Variants in PATJ observed in about 807,000 individuals in gnomAD.
PATJ encodes the protein inaD-like protein.
PATJ carries 190 observed loss-of-function variants against 224.9 expected under a neutral mutation model. That is an observed-to-expected ratio of 0.84 (90% confidence interval 0.75 to 0.95). The LOEUF (loss-of-function observed/expected upper bound fraction) is 0.95. Ranked by LOEUF, PATJ falls within the 40% of genes least tolerant of loss-of-function variation. PATJ has a pLI of 0.00. For synonymous variants in PATJ, 769 were observed against 820.3 expected, an observed-to-expected ratio of 0.94 and a Z score of 1.07; for missense variants, 2,121 against 2,270.3, an observed-to-expected ratio of 0.93 and a Z score of 1.34.
chr1:61,947,686 A>G (rs531552608), intron 27 of PATJ, among the ~76,000 whole-genome samples: 4 of 152,316 alleles, frequency 2.6e-5, no homozygotes, highest in East Asian at 3.9e-4. Flanking sequence ...GCTACCAATG[A>G]CTTTCTTCAC....
chr1:61,860,425 C>T (rs914594378), intron 18 of PATJ, among the ~76,000 whole-genome samples: 1 of 152,146 alleles, frequency 6.6e-6, no homozygotes, highest in Non-Finnish European at 1.5e-5. Context: ...CAATAAAACT[C>T]TTGAGCCAGA....
At chr1:62,125,254 C>CAAAAAAAAAAAAAAAAAAAAAAAAA (rs779305398) in intron 39 of PATJ, among the ~76,000 whole-genome samples, 6 of 71,412 alleles carry the variant, frequency 8.4e-5, no homozygotes, top group African/African-American at 6.0e-5. Flanking sequence ...AAAAAAAAAA[C>CAAAAAAAAAAAAAAAAAAAAAAAAA]AAAAAAAAAC....
intron 42 of PATJ, 151 bp downstream of exon 42, chr1:62,148,541 T>G: frequency 6.3e-6 from 4 of 634,798 alleles, no homozygotes; most frequent in Admixed American, 2.7e-5. Flanking sequence ...TCACAAGGCT[T>G]AATTCCACCA....
At chr1:62,084,062 T>C (rs1334182036) in intron 32 of PATJ, among the ~76,000 whole-genome samples, 1 of 152,172 alleles carries the variant, frequency 6.6e-6, no homozygotes, top group Non-Finnish European at 1.5e-5. Context: ...GAGACCAGCC[T>C]GGCCAGCATG....
rs774019628 is a variant in PATJ, at chr1:61,901,352, C to T, written c.3274C>T (p.Arg1092Cys). Reference protein sequence around the residue: ...SIVGGQTVIKRLKNGEELKGI... With the variant: ...SIVGGQTVIKCLKNGEELKGI... ...TGTTGGTGGACAAACTGTTATAAAA[C>T]GTCTAAAGAATGGAGAGGAGCTTAA... The change falls in exon 24 of 44, where the codon CGT (arginine) becomes TGT (cysteine). Residue 1092 changes from arginine (R) to cysteine (C), a missense_variant. Transcript: ENST00000642238. 1.6e-5 allele frequency: 26 copies of T among 1,584,902 alleles called. No individual in the cohort carries two copies. The highest frequency in any genetic ancestry group is 2.3e-5 in the South Asian group (2 of 85,604).
chr1:62,145,348 C>T (rs903917034), intron 41 of PATJ, among the ~76,000 whole-genome samples: 8 of 152,132 alleles, frequency 5.3e-5, no homozygotes, highest in African/African-American at 1.9e-4. Context: ...GTATGCAGTT[C>T]ATTAGATAGT....
At chr1:62,027,624 A>G (rs1407745262) in intron 29 of PATJ, among the ~76,000 whole-genome samples, 1 of 132,562 alleles carries the variant, frequency 7.5e-6, no homozygotes, top group Non-Finnish European at 1.6e-5. Context: ...CCTTGCCAAC[A>G]TTCCTTTTTT....
At chr1:61,817,305 G>C (rs1298970449) in intron 14 of PATJ, among the ~76,000 whole-genome samples, 1 of 152,218 alleles carries the variant, frequency 6.6e-6, no homozygotes, top group Non-Finnish European at 1.5e-5. Flanking sequence ...TGACTGAAGA[G>C]AACTTTCAAT....
chr1:61,860,500 A>C lies in PATJ; in HGVS notation c.2323-1051A>C, dbSNP rs1389061492. Among the ~76,000 whole-genome samples, 5 of 152,188 alleles carry C rather than the reference A, an allele frequency of 3.3e-5. No individual in the cohort carries two copies. The East Asian group carries it at 7.7e-4, about 24-fold the overall frequency. ...TACGTGTCCTTGTGCCAGTTATTCA[A>C]CCTCATCAGCTTCCACTTTGCTCAT... On this transcript the variant is annotated intron_variant, in intron 18 of 43. Coordinates refer to ENST00000642238, the MANE Select transcript of PATJ (RefSeq NM_001350145.3).
intron 9 of PATJ, among the ~76,000 whole-genome samples, chr1:61,793,755 A>C (rs1570529031): frequency 6.6e-6 from 1 of 151,454 alleles, no homozygotes; most frequent in East Asian, 1.9e-4. Flanking sequence ...GTGTGTCCAG[A>C]CTTTTATTTT....
At chr1:61,988,809 T>C (rs762740222) in intron 27 of PATJ, among the ~76,000 whole-genome samples, 1 of 152,226 alleles carries the variant, frequency 6.6e-6, no homozygotes, top group Non-Finnish European at 1.5e-5. Context: ...TAGAGTGGAC[T>C]GGGCTGTCTT....
chr1:61,878,042 G>T (rs1194276508), intron 21 of PATJ, among the ~76,000 whole-genome samples: 1 of 152,180 alleles, frequency 6.6e-6, no homozygotes, highest in African/African-American at 2.4e-5. Context: ...GGGGCAGAGG[G>T]CACAGGTAGC....
intron 41 of PATJ, among the ~76,000 whole-genome samples, chr1:62,147,805 A>G (rs1318825747): frequency 1.3e-5 from 2 of 152,010 alleles, no homozygotes; most frequent in Middle Eastern, 3.4e-3. Flanking sequence ...CTAAAAAAAA[A>G]AAAAAAAATT....
At chr1:62,070,417 G>T (rs992683242) in intron 31 of PATJ, among the ~76,000 whole-genome samples, 1 of 152,110 alleles carries the variant, frequency 6.6e-6, no homozygotes, top group Admixed American at 6.6e-5. Context: ...TAAGATTTAA[G>T]TTCCCGAACT....
At chr1:61,812,196 A>C (rs1654911638) in intron 14 of PATJ, among the ~76,000 whole-genome samples, 1 of 152,022 alleles carries the variant, frequency 6.6e-6, no homozygotes, top group African/African-American at 2.4e-5. Flanking sequence ...TGTTTCTGTC[A>C]TTCGATGTTT....
In PATJ at chr1:61,760,651, T is replaced by C. The variant is rs1476772531; in HGVS notation, c.-35-2207T>C. Among the ~76,000 whole-genome samples, 3 of 151,246 alleles carry C rather than the reference T, an allele frequency of 2.0e-5. 1 individual carries two copies. Among genetic ancestry groups the C allele is most frequent in the African/African-American group, 7.3e-5 (3 of 41,152 alleles). ...TTTTTTTTTGAGACAGAGTCTGGCT[T>C]TATTGCCTAGGCTGGAGTGCAGTGG... On this transcript the variant is annotated intron_variant, in intron 1 of 43. Transcript: ENST00000642238.
intron 17 of PATJ, among the ~76,000 whole-genome samples, chr1:61,847,172 A>G (rs1052728173): frequency 6.6e-6 from 1 of 152,220 alleles, no homozygotes; most frequent in African/African-American, 2.4e-5. Flanking sequence ...TGAGAAAGGA[A>G]TAGTCTTCAA....
At chr1:62,127,889 G>A (rs1182932535) in intron 39 of PATJ, 83 bp from the exon 40 acceptor site, 1 of 1,442,492 alleles carries the variant, frequency 6.9e-7, no homozygotes, top group East Asian at 2.3e-5. Flanking sequence ...GAGGGATTTT[G>A]TTCCAACAGC....
intron 11 of PATJ, among the ~76,000 whole-genome samples, chr1:61,798,171 A>G (rs1359335798): frequency 6.6e-6 from 1 of 152,080 alleles, no homozygotes; most frequent in Non-Finnish European, 1.5e-5. Flanking sequence ...TTTTTGAAGT[A>G]TACTGAGAGA....
Sources: gnomAD v4.1 joint callset for allele counts (sites outside exome capture counted in the v4.1 genomes callset) on GRCh38, gnomAD v4.1.1 for gene constraint, MANE v1.5 for transcripts, NCBI Gene and HGNC (gene_info 2026-07-23, HGNC 2026-07-21) for gene names.